The following NEMP2 variants were observed in gnomAD, a reference collection of about 807,000 sequenced individuals.
The protein encoded by NEMP2 is UPF0571 transmembrane protein.
Under a neutral mutation model 54.2 loss-of-function variants are expected in NEMP2, and 53 were observed. The observed-to-expected ratio is 0.98, with a 90% CI of 0.78 to 1.23. NEMP2 has a LOEUF of 1.23. Ranked by LOEUF, NEMP2 falls within the 50% of genes most tolerant of loss-of-function variation. The pLI is 0.00. For missense variants in NEMP2, 455 were observed against 511.3 expected (o/e 0.89, Z 1.06); for synonymous variants, 197 against 190.3 (o/e 1.04, Z -0.29).
Position 190,525,483 on chromosome 2 carries a change from G to A in NEMP2, c.98-105C>T. On this transcript the variant is annotated intron_variant, in intron 1 of 8. Coordinates refer to ENST00000409150, the MANE Select transcript of NEMP2 (RefSeq NM_001142645.2). The surrounding 1 kb of genome is among the most constrained non-coding windows in gnomAD (Gnocchi z 5.0). ...AACAGTAGCAGTTTTAACGTTCTAT[G>A]GCCAATAAATTCTCCTATATGATAA... is the stretch of plus-strand genomic sequence containing the variant. 3.3e-6 allele frequency: 2 copies of A among 603,560 alleles called. No homozygotes were observed. Among genetic ancestry groups the A allele is most frequent in the Non-Finnish European group, 5.9e-6 (2 of 340,936 alleles). 37.4% of individuals were successfully genotyped at this position (603,560 alleles called of 1,614,324 possible).
At chr2:190,427,717 A>G in the NEMP2 span, among the ~76,000 whole-genome samples, 2 of 146,820 alleles carry the variant, frequency 1.4e-5, no homozygotes, top group South Asian at 4.2e-4. Flanking sequence ...CTTGGAAAAG[A>G]AGTCTACCAC....
In NEMP2 at chr2:190,527,253, A is replaced by G. The variant is rs1690973095; in HGVS notation, c.98-1875T>C. ...AAAGTTGGGGAAGGACTGAGTAAAC[A>G]GTAACTACTAGTAAACAATCACATC... On this transcript the variant is annotated intron_variant, in intron 1 of 8. Coordinates refer to ENST00000409150, the MANE Select transcript of NEMP2 (RefSeq NM_001142645.2). This position sits in a 1 kb window ranked among gnomAD's most constrained non-coding sequence, Gnocchi z 4.0. Among the ~76,000 whole-genome samples, 2 of 152,242 alleles carry G rather than the reference A, an allele frequency of 1.3e-5. No homozygotes were observed. Among genetic ancestry groups the G allele is most frequent in the African/African-American group, 2.4e-5 (1 of 41,466 alleles).
chr2:190,429,999 T>TTC, the NEMP2 span, among the ~76,000 whole-genome samples: 2 of 141,542 alleles, frequency 1.4e-5, no homozygotes, highest in Non-Finnish European at 3.0e-5. Context: ...CTCCCCCAGC[T>TTC]CCCCACCCCC....
the NEMP2 span, among the ~76,000 whole-genome samples, chr2:190,631,861 GC>G: frequency 6.6e-6 from 1 of 152,138 alleles, no homozygotes; most frequent in Non-Finnish European, 1.5e-5. Flanking sequence ...TTCGAGACCA[GC>G]CTGGGCAACA....
chr2:190,590,599 G>A, the NEMP2 span, among the ~76,000 whole-genome samples: 392 of 152,226 alleles, frequency 2.6e-3, 1 homozygote, highest in Non-Finnish European at 4.2e-3. The surrounding 1 kb of genome is among the most constrained non-coding windows in gnomAD (Gnocchi z 5.1). Flanking sequence ...GTCTTACTGG[G>A]AAGGGATCAT....
At chr2:190,635,333 C>T in the NEMP2 span, among the ~76,000 whole-genome samples, 1 of 152,224 alleles carries the variant, frequency 6.6e-6, no homozygotes, top group Non-Finnish European at 1.5e-5. This position sits in a 1 kb window ranked among gnomAD's most constrained non-coding sequence, Gnocchi z 4.1. Flanking sequence ...CCTCCCACCT[C>T]AGCCTCCTGA....
At chr2:190,493,697 C>G in the NEMP2 span, among the ~76,000 whole-genome samples, 3 of 152,064 alleles carry the variant, frequency 2.0e-5, no homozygotes, top group African/African-American at 7.2e-5. Flanking sequence ...TGGAATAAAA[C>G]TGGAAATCAA....
chr2:190,558,556 C>G, the NEMP2 span, among the ~76,000 whole-genome samples: 1 of 152,258 alleles, frequency 6.6e-6, no homozygotes, highest in African/African-American at 2.4e-5. This position sits in a 1 kb window ranked among gnomAD's most constrained non-coding sequence, Gnocchi z 4.4. Context: ...CACTACTTGC[C>G]AGCAGGTAAA....
At chr2:190,445,931 C>T in the NEMP2 span, among the ~76,000 whole-genome samples, 5 of 151,896 alleles carry the variant, frequency 3.3e-5, no homozygotes, top group Non-Finnish European at 7.4e-5. Flanking sequence ...TGTTTTTTAT[C>T]GGGATAGGTG....
rs1394125661 is a variant in NEMP2, at chr2:190,520,963, G to T, written c.214-1780C>A. 6.6e-6 allele frequency among the ~76,000 whole-genome samples: 1 copy of T among 151,986 alleles called. No individual in the cohort carries two copies. Among genetic ancestry groups the T allele is most frequent in the Non-Finnish European group, 1.5e-5 (1 of 68,004 alleles). ...ACACCATTCCCTGGCACATACCCTT[G>T]ACTCCTTTGTACCCCTCTTGCTTTG... On this transcript the variant is annotated intron_variant, in intron 2 of 8. Coordinates refer to ENST00000409150, the MANE Select transcript of NEMP2 (RefSeq NM_001142645.2). This position sits in a 1 kb window ranked among gnomAD's most constrained non-coding sequence, Gnocchi z 5.4.
chr2:190,587,139 A>C, the NEMP2 span, among the ~76,000 whole-genome samples: 1 of 152,116 alleles, frequency 6.6e-6, no homozygotes, highest in Non-Finnish European at 1.5e-5. The surrounding 1 kb of genome is among the most constrained non-coding windows in gnomAD (Gnocchi z 5.4). Flanking sequence ...TTTTCTGTGG[A>C]TCTCTCACAT....
At chr2:190,491,419 G>A in the NEMP2 span, among the ~76,000 whole-genome samples, 2 of 152,196 alleles carry the variant, frequency 1.3e-5, no homozygotes, top group Non-Finnish European at 2.9e-5. The surrounding 1 kb of genome is among the most constrained non-coding windows in gnomAD (Gnocchi z 4.2). Flanking sequence ...TGGAGGACCT[G>A]AGAGACAGGC....
At chr2:190,558,979 C>T in the NEMP2 span, among the ~76,000 whole-genome samples, 1 of 152,114 alleles carries the variant, frequency 6.6e-6, no homozygotes, top group Non-Finnish European at 1.5e-5. The surrounding 1 kb of genome is among the most constrained non-coding windows in gnomAD (Gnocchi z 4.4). Flanking sequence ...TCTATTTCAT[C>T]TAGAAAAGCT....
chr2:190,577,505 C>T, the NEMP2 span, among the ~76,000 whole-genome samples: 1 of 152,154 alleles, frequency 6.6e-6, no homozygotes, highest in Non-Finnish European at 1.5e-5. This position sits in a 1 kb window ranked among gnomAD's most constrained non-coding sequence, Gnocchi z 4.8. Context: ...TTTAGCTAAA[C>T]TATCATCCTC....
rs1690794923 is a variant in NEMP2, at chr2:190,522,739, A to G, written c.213+2524T>C. On this transcript the variant is annotated intron_variant, in intron 2 of 8. Coordinates refer to ENST00000409150, the MANE Select transcript of NEMP2 (RefSeq NM_001142645.2). This position sits in a 1 kb window ranked among gnomAD's most constrained non-coding sequence, Gnocchi z 5.0. ...GCTACCTGGAGGCTTCATCTCCATG[A>G]TAAAACTTTGGTCTCCGCAATTACT... 6.6e-6 allele frequency among the ~76,000 whole-genome samples: 1 copy of G among 152,222 alleles called. No individual in the cohort carries two copies. The highest frequency in any genetic ancestry group is 1.5e-5 in the Non-Finnish European group (1 of 68,042).
chr2:190,605,381 A>T, the NEMP2 span, among the ~76,000 whole-genome samples: 78 of 131,542 alleles, frequency 5.9e-4, 1 homozygote, highest in East Asian at 3.6e-3. Flanking sequence ...TTATTTATTT[A>T]TTTTTTTGAG....
At chr2:190,648,516 G>GTTT in the NEMP2 span, 12 of 123,900 alleles carry the variant, frequency 9.7e-5, no homozygotes, top group South Asian at 2.6e-4. Context: ...GCGCGCTGTT[G>GTTT]TTTTTTTTTT....
chr2:190,524,464 T>C (rs576664520), intron 2 of NEMP2, among the ~76,000 whole-genome samples: 6 of 152,256 alleles, frequency 3.9e-5, no homozygotes, highest in East Asian at 3.9e-4. Context: ...TTATCAGCAA[T>C]GGTATCAATT....
chr2:190,520,892 T>G lies in NEMP2; in HGVS notation c.214-1709A>C, dbSNP rs896262141. ...TCTCCTGCTCCTTACCCTCCTAATA[T>G]CCTCAATCTCTTTTTAGCCACCTAA... On this transcript the variant is annotated intron_variant, in intron 2 of 8. Transcript: ENST00000409150. The surrounding 1 kb of genome is among the most constrained non-coding windows in gnomAD (Gnocchi z 5.4). 6.6e-6 allele frequency among the ~76,000 whole-genome samples: 1 copy of G among 152,172 alleles called. No homozygotes were observed. The highest frequency in any genetic ancestry group is 1.9e-4 in the East Asian group (1 of 5,180).
Sources: gnomAD v4.1 joint callset for allele counts (sites outside exome capture counted in the v4.1 genomes callset) on GRCh38, gnomAD v4.1.1 for gene constraint, Gnocchi (gnomAD v3.1) non-coding constraint, MANE v1.5 for transcripts, NCBI Gene and HGNC (gene_info 2026-07-23, HGNC 2026-07-21) for gene names.